LRRC8D: variants seen among roughly 807,000 people sequenced by gnomAD.
LRRC8D encodes leucine rich repeat containing 8 VRAC subunit D, also known as volume-regulated anion channel subunit LRRC8D.
LRRC8D carries 20 observed loss-of-function variants against 55.8 expected under a neutral mutation model. The observed-to-expected ratio is 0.36, with a 90% CI of 0.25 to 0.52. The LOEUF is 0.52. Among genes scored for constraint, LRRC8D ranks in the 20% least tolerant of loss-of-function variants. LRRC8D has a pLI of 0.93. For synonymous variants in LRRC8D, 352 were observed against 377.0 expected, an observed-to-expected ratio of 0.93 and a Z score of 0.77; for missense variants, 651 against 1,030.8, an observed-to-expected ratio of 0.63 and a Z score of 5.05.
chr1:89,903,583 C>T (rs528424172), intron 2 of LRRC8D, among the ~76,000 whole-genome samples: 6 of 152,268 alleles, frequency 3.9e-5, no homozygotes, highest in Non-Finnish European at 2.9e-5. Flanking sequence ...GATATTTTAT[C>T]TCCCTTAATC....
At position 89,934,843 on chromosome 1, in the gene LRRC8D, T is replaced by C; in HGVS notation, c.1775T>C (p.Ile592Thr). 1 of 1,614,124 alleles carries C rather than the reference T, an allele frequency of 6.2e-7. No homozygotes were observed. The highest frequency in any genetic ancestry group is 8.5e-7 in the Non-Finnish European group (1 of 1,180,016). The change falls in exon 3 of 3, where the codon ATT (isoleucine) becomes ACT (threonine). Residue 592 changes from isoleucine (I) to threonine (T), a missense_variant. Physicochemically the swap from Ile to Thr is moderately conservative, Grantham distance 89. This residue lies in a region of LRRC8D where 338 missense variants were observed against 479.4 expected (regional missense o/e 0.71). Coordinates refer to ENST00000337338, the MANE Select transcript of LRRC8D (RefSeq NM_001134479.2). The surrounding 1 kb of genome is among the most constrained non-coding windows in gnomAD (Gnocchi z 5.9). Reference sequence around the variant, plus strand: ...CTCCGAGAGTTGCGGCACCTTAAGATTCTCCACGTGAAGAGCAATTTGACC... The same window carrying C: ...CTCCGAGAGTTGCGGCACCTTAAGACTCTCCACGTGAAGAGCAATTTGACC... ...ESLRELRHLK[I>T]LHVKSNLTKV...
rs571196687 is a variant in LRRC8D at position 89,892,819 on chromosome 1, C to T, written c.-2-40248C>T. Among the ~76,000 whole-genome samples the T allele has an allele frequency of 8.5e-5, 13 of 152,156 alleles. No homozygotes were observed. In the East Asian group the frequency reaches 2.1e-3, roughly 25 times the overall value. On this transcript the variant is annotated intron_variant, in intron 2 of 2. Coordinates refer to ENST00000337338, the MANE Select transcript of LRRC8D (RefSeq NM_001134479.2). ...ACAGGCGTGAGCCACTGTGCCTGGC[C>T]GTAGATTGATATTTCTGTCAAATTC... is the stretch of plus-strand genomic sequence containing the variant.
chr1:89,913,775 T>G (rs2100948565), intron 2 of LRRC8D, among the ~76,000 whole-genome samples: 1 of 152,372 alleles, frequency 6.6e-6, no homozygotes, highest in Middle Eastern at 3.4e-3. Context: ...TGCTCTCTTG[T>G]ATTCCTCACT....
At position 89,934,400 on chromosome 1, in the gene LRRC8D, T is replaced by C. The variant is rs1432294305; in HGVS notation, c.1332T>C (p.Asn444=). 1 of 1,613,872 alleles carries C rather than the reference T, an allele frequency of 6.2e-7. No individual in the cohort carries two copies. ...FGVFLSEVSE[N]KLREISLNHE... is the part of the protein sequence containing the mutation. ...TGTTCTTGTCAGAAGTTAGTGAAAA[T>C]AAACTTAGGGAAATTAGTTTGAACC... Residue 444 remains asparagine, a synonymous_variant, in exon 3 of 3, where the codon AAT becomes AAC. Coordinates refer to ENST00000337338, the MANE Select transcript of LRRC8D (RefSeq NM_001134479.2). The surrounding 1 kb of genome is among the most constrained non-coding windows in gnomAD (Gnocchi z 5.9).
chr1:89,832,111 G>A (rs1660902153), intron 1 of LRRC8D, among the ~76,000 whole-genome samples: 1 of 152,218 alleles, frequency 6.6e-6, no homozygotes, highest in Non-Finnish European at 1.5e-5. Context: ...CTTGGTGCAG[G>A]ACAGGACCTC....
intron 1 of LRRC8D, among the ~76,000 whole-genome samples, chr1:89,828,195 A>G (rs534396759): frequency 1.9e-4 from 29 of 152,340 alleles, no homozygotes; most frequent in African/African-American, 6.7e-4. Flanking sequence ...AGCTTTAAGG[A>G]TATGTCAGTC....
intron 2 of LRRC8D, among the ~76,000 whole-genome samples, chr1:89,850,178 T>C (rs1464033699): frequency 6.6e-6 from 1 of 152,204 alleles, no homozygotes; most frequent in East Asian, 1.9e-4. Context: ...ACCCCTAGGA[T>C]GTCAGTGCAT....
intron 2 of LRRC8D, among the ~76,000 whole-genome samples, chr1:89,916,277 T>C (rs1663267101): frequency 6.6e-6 from 1 of 152,268 alleles, no homozygotes; most frequent in African/African-American, 2.4e-5. Flanking sequence ...TTTCTAAAGA[T>C]CATTTGTTAT....
chr1:89,892,250 A>G (rs1213375152), intron 2 of LRRC8D, among the ~76,000 whole-genome samples: 1 of 152,162 alleles, frequency 6.6e-6, no homozygotes, highest in African/African-American at 2.4e-5. Context: ...AATTATGTAC[A>G]AGGCTTTAGG....
rs139216815 is a variant in LRRC8D at position 89,920,458 on chromosome 1, T to G, written c.-2-12609T>G. 2.4e-3 allele frequency among the ~76,000 whole-genome samples: 359 copies of G among 152,212 alleles called. 3 individuals carry two copies. The highest frequency in any genetic ancestry group is 7.6e-3 in the African/African-American group (317 of 41,542). On this transcript the variant is annotated intron_variant, in intron 2 of 2. Coordinates refer to ENST00000337338, the MANE Select transcript of LRRC8D (RefSeq NM_001134479.2). ...TATATAAGGAGTGTTTTTTTAAATC[T>G]TGAGATTTTTTATGTAAAAAAATTG...
chr1:89,885,002 T>C (rs1397028045), intron 2 of LRRC8D, among the ~76,000 whole-genome samples: 1 of 152,184 alleles, frequency 6.6e-6, no homozygotes, highest in African/African-American at 2.4e-5. Flanking sequence ...CAATTGCTAG[T>C]ATCTCTCATC....
intron 1 of LRRC8D, among the ~76,000 whole-genome samples, chr1:89,825,101 T>G (rs772879420): frequency 6.6e-5 from 10 of 152,158 alleles, no homozygotes; most frequent in Non-Finnish European, 1.3e-4. Flanking sequence ...TCTTCTAGCC[T>G]TTGACATTTT....
intron 2 of LRRC8D, among the ~76,000 whole-genome samples, chr1:89,913,088 C>T (rs1457609930): frequency 6.6e-6 from 1 of 152,188 alleles, no homozygotes; most frequent in Non-Finnish European, 1.5e-5. Flanking sequence ...CATTTCTAGC[C>T]CGCAGGAAAA....
intron 2 of LRRC8D, among the ~76,000 whole-genome samples, chr1:89,880,589 T>A (rs957820443): frequency 2.0e-5 from 3 of 152,228 alleles, no homozygotes; most frequent in African/African-American, 7.2e-5. Flanking sequence ...TGGTGCCTTA[T>A]GTGTATATAG....
intron 2 of LRRC8D, among the ~76,000 whole-genome samples, chr1:89,914,653 G>C (rs1663214856): frequency 6.6e-6 from 1 of 151,510 alleles, no homozygotes; most frequent in South Asian, 2.1e-4. Context: ...AAACGTCCCT[G>C]GTTTTTGTTT....
At chr1:89,833,236 C>T (rs779710007) in intron 1 of LRRC8D, among the ~76,000 whole-genome samples, 47 of 152,204 alleles carry the variant, frequency 3.1e-4, no homozygotes, top group African/African-American at 5.1e-4. Flanking sequence ...GATACTGCCT[C>T]CCCAAACCAA....
intron 2 of LRRC8D, among the ~76,000 whole-genome samples, chr1:89,907,263 C>T (rs757249751): frequency 3.0e-5 from 4 of 133,804 alleles, no homozygotes; most frequent in Non-Finnish European, 6.1e-5. Context: ...GTGATCTTGG[C>T]TCACTGCAAC....
At chr1:89,840,413 C>G (rs759713864) in intron 1 of LRRC8D, among the ~76,000 whole-genome samples, 27 of 152,080 alleles carry the variant, frequency 1.8e-4, no homozygotes, top group African/African-American at 6.5e-4. Context: ...CTTTGGGAGT[C>G]GTACAGAGTG....
At chr1:89,828,856 C>T (rs1461651960) in intron 1 of LRRC8D, among the ~76,000 whole-genome samples, 1 of 152,114 alleles carries the variant, frequency 6.6e-6, no homozygotes, top group Non-Finnish European at 1.5e-5. Flanking sequence ...CCCATTGCTA[C>T]ATCTTAGCAT....
Sources: allele counts gnomAD v4.1 joint callset (sites outside exome capture counted in the v4.1 genomes callset), GRCh38; gene constraint gnomAD v4.1.1; regional missense constraint gnomAD v4.1.1; non-coding constraint Gnocchi (gnomAD v3.1); transcripts MANE v1.5; gene names NCBI Gene and HGNC (gene_info 2026-07-23, HGNC 2026-07-21).